Variants in FHIT observed in about 807,000 individuals in gnomAD.
FHIT encodes the protein fragile histidine triad diadenosine triphosphatase, also known as bis(5'-adenosyl)-triphosphatase.
A neutral mutation model predicts 17.9 loss-of-function variants in FHIT; 19 were observed. The observed-to-expected ratio is 1.06, with a 90% CI of 0.74 to 1.56. The LOEUF is 1.56. Ranked by LOEUF, FHIT falls within the 40% of genes most tolerant of loss-of-function variation. FHIT has a pLI of 0.00. For missense variants in FHIT, 248 were observed against 189.2 expected, an observed-to-expected ratio of 1.31 and a Z score of -1.82; for synonymous variants, 81 against 69.7, an observed-to-expected ratio of 1.16 and a Z score of -0.81.
At chr3:60,777,708 A>G (rs1005484072) in intron 4 of FHIT, among the ~76,000 whole-genome samples, 2 of 152,228 alleles carry the variant, frequency 1.3e-5, no homozygotes, top group African/African-American at 4.8e-5. Context: ...TTGAGGTAAA[A>G]CATTTTGATT....
intron 3 of FHIT, among the ~76,000 whole-genome samples, chr3:61,029,425 T>C (rs576949231): frequency 3.9e-5 from 6 of 152,324 alleles, no homozygotes; most frequent in South Asian, 2.1e-4. Context: ...CAATGGAAGA[T>C]TGATGAGATT....
intron 4 of FHIT, among the ~76,000 whole-genome samples, chr3:60,709,857 G>C (rs527254322): frequency 6.6e-6 from 1 of 152,136 alleles, no homozygotes; most frequent in South Asian, 2.1e-4. Flanking sequence ...GACTCACTTT[G>C]TGCATTTTAA....
At chr3:61,006,077 T>TA (rs1444674562) in intron 3 of FHIT, among the ~76,000 whole-genome samples, 1 of 145,014 alleles carries the variant, frequency 6.9e-6, no homozygotes, top group African/African-American at 2.6e-5. Context: ...AACAAGGTTT[T>TA]TAAAAAAAAA....
At chr3:60,611,884 G>A (rs2038796398) in intron 4 of FHIT, among the ~76,000 whole-genome samples, 1 of 152,176 alleles carries the variant, frequency 6.6e-6, no homozygotes, top group Non-Finnish European at 1.5e-5. Flanking sequence ...TGTGTACAGA[G>A]CAGCTGGGAG....
chr3:60,106,335 G>T (rs1472755721), intron 5 of FHIT, among the ~76,000 whole-genome samples: 1 of 152,146 alleles, frequency 6.6e-6, no homozygotes, highest in Non-Finnish European at 1.5e-5. Context: ...GCTAAGGGTG[G>T]CAACACCTAT....
At chr3:59,846,159 T>G (rs1701711771) in intron 8 of FHIT, among the ~76,000 whole-genome samples, 1 of 152,096 alleles carries the variant, frequency 6.6e-6, no homozygotes, top group Non-Finnish European at 1.5e-5. Flanking sequence ...ATAGGTTTAT[T>G]TTGTCCCTCA....
chr3:61,248,031 A>T (rs1031126385), intron 1 of FHIT, among the ~76,000 whole-genome samples: 1 of 152,254 alleles, frequency 6.6e-6, no homozygotes, highest in African/African-American at 2.4e-5. Context: ...TCATCTGAGA[A>T]GTCACAGATA....
At chr3:60,073,503 T>G (rs77945535) in intron 5 of FHIT, among the ~76,000 whole-genome samples, 26 of 152,198 alleles carry the variant, frequency 1.7e-4, no homozygotes, top group Non-Finnish European at 3.4e-4. Flanking sequence ...TCGTCTCACG[T>G]TTGCTCTCTC....
intron 5 of FHIT, among the ~76,000 whole-genome samples, chr3:60,302,377 T>C (rs1708490078): frequency 6.6e-6 from 1 of 152,066 alleles, no homozygotes. Context: ...ACAGGCCTAC[T>C]CCAACCCTGC....
intron 4 of FHIT, among the ~76,000 whole-genome samples, chr3:60,639,385 T>A (rs2856057): frequency 0.78 from 117,867 of 151,936 alleles, 45,955 homozygotes; most frequent in East Asian, 0.88. Context: ...AGAGACCAAT[T>A]AACTAAGCAA....
chr3:59,772,014 A>G (rs778639925), intron 8 of FHIT, among the ~76,000 whole-genome samples: 6 of 152,232 alleles, frequency 3.9e-5, no homozygotes, highest in African/African-American at 1.2e-4. Flanking sequence ...CAGCAACTTT[A>G]TGACACACTA....
At chr3:60,084,419 T>C (rs751595645) in intron 5 of FHIT, among the ~76,000 whole-genome samples, 1 of 152,132 alleles carries the variant, frequency 6.6e-6, no homozygotes, top group Non-Finnish European at 1.5e-5. Flanking sequence ...TCTACACATA[T>C]AATAGGCATC....
At chr3:60,765,636 T>C (rs1190473369) in intron 4 of FHIT, 2 of 152,294 alleles carry the variant, frequency 1.3e-5, no homozygotes, top group Middle Eastern at 3.4e-3. Context: ...ATGCTTAATA[T>C]TAGGTGTCGA....
At chr3:59,973,609 T>C (rs1486250432) in intron 7 of FHIT, among the ~76,000 whole-genome samples, 1 of 152,148 alleles carries the variant, frequency 6.6e-6, no homozygotes, top group Non-Finnish European at 1.5e-5. Context: ...AGATGTAATT[T>C]TAAGTTTTTT....
intron 3 of FHIT, among the ~76,000 whole-genome samples, chr3:61,020,398 T>C (rs527366355): frequency 9.8e-5 from 15 of 152,336 alleles, no homozygotes; most frequent in African/African-American, 3.6e-4. Context: ...GTTTTTTTCT[T>C]GTAAATTTTT....
At chr3:60,373,618 G>A (rs1263355541) in intron 5 of FHIT, among the ~76,000 whole-genome samples, 1 of 152,114 alleles carries the variant, frequency 6.6e-6, no homozygotes, top group Non-Finnish European at 1.5e-5. Flanking sequence ...AGTGGAGAAA[G>A]CAGACTCATC....
intron 5 of FHIT, among the ~76,000 whole-genome samples, chr3:60,457,680 C>A (rs1241360810): frequency 3.3e-5 from 5 of 151,700 alleles, no homozygotes; most frequent in Admixed American, 2.6e-4. Flanking sequence ...GCAATCTACT[C>A]ATCTGACAAA....
At chr3:61,230,344 T>TG (rs2040069113) in intron 1 of FHIT, among the ~76,000 whole-genome samples, 1 of 152,108 alleles carries the variant, frequency 6.6e-6, no homozygotes, top group Non-Finnish European at 1.5e-5. Context: ...CAAAGGTGTA[T>TG]GGCACCTCCC....
intron 1 of FHIT, among the ~76,000 whole-genome samples, chr3:61,219,287 A>G (rs2039771183): frequency 6.6e-6 from 1 of 151,902 alleles, no homozygotes; most frequent in African/African-American, 2.4e-5. Flanking sequence ...ATACAAGCAG[A>G]TTCTATCATC....
Sources: allele counts gnomAD v4.1 joint callset (sites outside exome capture counted in the v4.1 genomes callset), GRCh38; gene constraint gnomAD v4.1.1; transcripts MANE v1.5; gene names NCBI Gene and HGNC (gene_info 2026-07-23, HGNC 2026-07-21).